AXDND1: variants seen among roughly 807,000 people sequenced by gnomAD.
The protein encoded by AXDND1 is axonemal dynein light chain domain containing 1.
A neutral mutation model predicts 137.5 loss-of-function variants in AXDND1; 110 were observed. The ratio of observed to expected loss-of-function variants is 0.80; its 90% CI spans 0.69 to 0.94. The LOEUF (loss-of-function observed/expected upper bound fraction) is 0.94. Among genes scored for constraint, AXDND1 ranks in the 40% least tolerant of loss-of-function variants. The pLI, the probability that AXDND1 is intolerant of heterozygous loss-of-function variation, is 0.00. For synonymous variants in AXDND1, 414 were observed against 399.7 expected, an observed-to-expected ratio of 1.04 and a Z score of -0.43; for missense variants, 1,191 against 1,169.8, an observed-to-expected ratio of 1.02 and a Z score of -0.26.
chr1:179,416,842 C>T (rs1382738071), intron 12 of AXDND1, among the ~76,000 whole-genome samples: 1 of 152,184 alleles, frequency 6.6e-6, no homozygotes, highest in Non-Finnish European at 1.5e-5. Flanking sequence ...CTAGACAATG[C>T]TTCTGTTAGT....
intron 11 of AXDND1, among the ~76,000 whole-genome samples, chr1:179,403,812 T>C (rs1051388076): frequency 6.6e-6 from 1 of 152,138 alleles, no homozygotes; most frequent in Non-Finnish European, 1.5e-5. Context: ...CCTGACCTCA[T>C]GTGATCCTGC....
chr1:179,429,427 C>G, intron 12 of AXDND1, 91 bp from the exon 13 acceptor site: 1 of 583,978 alleles, frequency 1.7e-6, no homozygotes. Context: ...GTTAATGATT[C>G]CATGAAAAAT....
At chr1:179,407,499 A>G (rs935837406) in intron 11 of AXDND1, among the ~76,000 whole-genome samples, 30 of 152,280 alleles carry the variant, frequency 2.0e-4, no homozygotes, top group African/African-American at 7.2e-4. Context: ...TGTTGGAATT[A>G]CAGGCGTGAA....
At chr1:179,402,144 A>G (rs1469349124) in intron 11 of AXDND1, among the ~76,000 whole-genome samples, 3 of 149,158 alleles carry the variant, frequency 2.0e-5, no homozygotes, top group African/African-American at 5.0e-5. Context: ...CCAGCCTGGC[A>G]ACAGAGCGAG....
At chr1:179,375,631 A>G (rs1341059104) in intron 4 of AXDND1, among the ~76,000 whole-genome samples, 1 of 150,362 alleles carries the variant, frequency 6.7e-6, no homozygotes, top group Non-Finnish European at 1.5e-5. Flanking sequence ...ACACACATAT[A>G]TGTACATGAA....
intron 18 of AXDND1, among the ~76,000 whole-genome samples, chr1:179,489,378 A>G (rs1345423868): frequency 6.6e-6 from 1 of 152,160 alleles, no homozygotes; most frequent in African/African-American, 2.4e-5. Flanking sequence ...AATAACATCT[A>G]TTTGTGCTTA....
At chr1:179,412,958 T>G (rs910064162) in intron 12 of AXDND1, among the ~76,000 whole-genome samples, 8 of 152,184 alleles carry the variant, frequency 5.3e-5, no homozygotes, top group Non-Finnish European at 1.2e-4. Context: ...TTCCCTTAAA[T>G]TTTTCATTTG....
chr1:179,526,993 C>G (rs1469053405), intron 22 of AXDND1, among the ~76,000 whole-genome samples: 5 of 152,100 alleles, frequency 3.3e-5, no homozygotes, highest in Non-Finnish European at 7.4e-5. Context: ...ATTCAGAGCC[C>G]AGGAGAGGAT....
At chr1:179,469,119 G>A (rs10913780) in intron 17 of AXDND1, among the ~76,000 whole-genome samples, 25,506 of 151,900 alleles carry the variant, frequency 0.17, 2,499 homozygotes, top group East Asian at 0.35. Flanking sequence ...TAGTAGAGAC[G>A]GGGTTTCACC....
chr1:179,399,877 T>TA (rs1651693757), intron 11 of AXDND1, among the ~76,000 whole-genome samples: 1 of 152,166 alleles, frequency 6.6e-6, no homozygotes, highest in African/African-American at 2.4e-5. Flanking sequence ...CACAATGCAG[T>TA]ACCACCTTAC....
intron 21 of AXDND1, among the ~76,000 whole-genome samples, chr1:179,522,912 T>C (rs1670200075): frequency 6.6e-6 from 1 of 150,478 alleles, no homozygotes; most frequent in African/African-American, 2.4e-5. Flanking sequence ...AAGTATTTTG[T>C]TATATGGCTT....
intron 21 of AXDND1, among the ~76,000 whole-genome samples, chr1:179,519,864 T>C (rs556456553): frequency 2.4e-4 from 37 of 152,330 alleles, no homozygotes; most frequent in African/African-American, 7.5e-4. Flanking sequence ...TGCCTCACTG[T>C]TCAGGCTTCT....
intron 11 of AXDND1, among the ~76,000 whole-genome samples, chr1:179,402,946 G>A (rs1652331651): frequency 6.6e-6 from 1 of 152,146 alleles, no homozygotes; most frequent in Non-Finnish European, 1.5e-5. Context: ...TGTCACAATG[G>A]ATCAGTTAAT....
At chr1:179,510,746 T>C (rs1668964305) in intron 21 of AXDND1, among the ~76,000 whole-genome samples, 1 of 152,110 alleles carries the variant, frequency 6.6e-6, no homozygotes. Flanking sequence ...GACAAGTCTT[T>C]TATTTTTTAT....
chr1:179,374,491 T>TTA, intron 4 of AXDND1, among the ~76,000 whole-genome samples: 1 of 152,260 alleles, frequency 6.6e-6, no homozygotes, highest in East Asian at 1.9e-4. Context: ...ACCCAAAGGA[T>TTA]TATACATCAT....
chr1:179,511,420 G>GTA (rs1366786068), intron 21 of AXDND1, among the ~76,000 whole-genome samples: 1 of 150,422 alleles, frequency 6.6e-6, no homozygotes, highest in Non-Finnish European at 1.5e-5. Flanking sequence ...GTGTGTGTGT[G>GTA]TGTATATGTA....
At chr1:179,437,156 C>A (rs1449987393) in intron 15 of AXDND1, among the ~76,000 whole-genome samples, 2 of 147,578 alleles carry the variant, frequency 1.4e-5, no homozygotes, top group African/African-American at 5.0e-5. Context: ...GGGGACTGAA[C>A]AAAGGGGGGC....
intron 25 of AXDND1, chr1:179,551,833 G>A (rs1379588570): frequency 3.7e-6 from 1 of 271,290 alleles, no homozygotes; most frequent in Non-Finnish European, 7.1e-6. Flanking sequence ...AAACATTTCT[G>A]AAGTGAAAGT....
rs755115550 is a variant in AXDND1 at position 179,432,221 on chromosome 1, A to G, written c.1488-46A>G. ...AGTGTGTGAACTGATGATCTTGTTT[A>G]TGTCTTGTTCTGAGATGTTTCTCTT... is the stretch of plus-strand genomic sequence containing the variant. On this transcript the variant is annotated intron_variant, in intron 14 of 25. Transcript: ENST00000367618. 2.0e-6 allele frequency: 3 copies of G among 1,485,124 alleles called. No homozygotes were observed. In the East Asian group the frequency reaches 7.6e-5, roughly 37 times the overall value. 92.0% of individuals were successfully genotyped at this position (1,485,124 alleles called of 1,614,324 possible).
Sources: gnomAD v4.1 joint callset for allele counts (sites outside exome capture counted in the v4.1 genomes callset) on GRCh38, gnomAD v4.1.1 for gene constraint, MANE v1.5 for transcripts, NCBI Gene and HGNC (gene_info 2026-07-23, HGNC 2026-07-21) for gene names.